TMEM117: variants seen among roughly 807,000 people sequenced by gnomAD.
The protein encoded by TMEM117 is transmembrane protein 117.
In TMEM117, 27 loss-of-function variants were observed where a neutral mutation model predicts 52.4. That is an observed-to-expected ratio of 0.51 (90% CI 0.38 to 0.71). The LOEUF is 0.71. Among genes scored for constraint, TMEM117 ranks in the 30% least tolerant of loss-of-function variants. The pLI, the probability that TMEM117 is intolerant of heterozygous loss-of-function variation, is 0.00. For synonymous variants in TMEM117, 215 were observed against 206.3 expected (o/e 1.04, Z -0.36); for missense variants, 556 against 630.5 (o/e 0.88, Z 1.26).
chr12:44,073,523 T>C (rs1947336134), intron 3 of TMEM117: 1 of 152,256 alleles, frequency 6.6e-6, no homozygotes, highest in South Asian at 2.1e-4. Flanking sequence ...GTTTTCCAAC[T>C]GCTCTCAAGG....
intron 6 of TMEM117, among the ~76,000 whole-genome samples, chr12:44,358,709 T>C (rs1331377805): frequency 6.6e-6 from 1 of 152,142 alleles, no homozygotes; most frequent in Non-Finnish European, 1.5e-5. Context: ...TTTTTAAAGA[T>C]GGTACATGAA....
chr12:44,396,045 T>A, the TMEM117 span, among the ~76,000 whole-genome samples: 1 of 152,170 alleles, frequency 6.6e-6, no homozygotes, highest in East Asian at 1.9e-4. Flanking sequence ...TAGGTGATTC[T>A]CTTACAAACA....
chr12:44,097,195 G>C (rs528662831), intron 3 of TMEM117, among the ~76,000 whole-genome samples: 8 of 152,106 alleles, frequency 5.3e-5, no homozygotes, highest in African/African-American at 9.6e-5. Context: ...GAATGGCGAT[G>C]ATTAAAAAGT....
At chr12:44,318,897 C>A (rs1463345930) in intron 6 of TMEM117, among the ~76,000 whole-genome samples, 1 of 152,212 alleles carries the variant, frequency 6.6e-6, no homozygotes, top group Non-Finnish European at 1.5e-5. Flanking sequence ...AGAGTGTCCC[C>A]TGCACCATGA....
At chr12:44,319,643 G>A (rs1244249611) in intron 6 of TMEM117, among the ~76,000 whole-genome samples, 1 of 152,066 alleles carries the variant, frequency 6.6e-6, no homozygotes, top group Non-Finnish European at 1.5e-5. Flanking sequence ...CCGCTGTCTT[G>A]GAAGAAAAAT....
chr12:44,197,730 A>G (rs1268337779), intron 4 of TMEM117, among the ~76,000 whole-genome samples: 2 of 152,152 alleles, frequency 1.3e-5, no homozygotes, highest in Non-Finnish European at 2.9e-5. Context: ...TATTCAGATG[A>G]TTCAGGTGTC....
intron 3 of TMEM117, among the ~76,000 whole-genome samples, chr12:44,118,476 G>T (rs1037365837): frequency 6.6e-6 from 1 of 152,110 alleles, no homozygotes; most frequent in African/African-American, 2.4e-5. Context: ...ATAAAGGAAG[G>T]TATTCCAAAC....
intron 3 of TMEM117, among the ~76,000 whole-genome samples, chr12:43,968,846 G>A (rs1374778909): frequency 6.6e-6 from 1 of 152,094 alleles, no homozygotes; most frequent in East Asian, 1.9e-4. Context: ...ACTGTTTCCA[G>A]AATTGGCAGT....
At chr12:44,081,180 C>A (rs80286252) in intron 3 of TMEM117, among the ~76,000 whole-genome samples, 1 of 152,072 alleles carries the variant, frequency 6.6e-6, no homozygotes, top group Non-Finnish European at 1.5e-5. Flanking sequence ...ACACATGAAG[C>A]AGAAAAATAT....
rs142667632 is a variant in TMEM117 at position 44,136,210 on chromosome 12, C to G, written c.411-7315C>G. 8.5e-3 allele frequency among the ~76,000 whole-genome samples: 1,298 copies of G among 152,176 alleles called. 12 individuals are homozygous for G. Among genetic ancestry groups the G allele is most frequent in the African/African-American group, 0.03 (1,234 of 41,530 alleles). On this transcript the variant is annotated intron_variant, in intron 3 of 7. Transcript: ENST00000266534. ...TGGGGATTTATTGGGGTTCTCTTAGCAACAAGCTCAGGATTTTAAAGCTTG... is the reference window on the plus strand; with the variant it reads ...TGGGGATTTATTGGGGTTCTCTTAGGAACAAGCTCAGGATTTTAAAGCTTG...
intron 2 of TMEM117, among the ~76,000 whole-genome samples, chr12:43,889,934 C>A (rs1565736731): frequency 6.6e-6 from 1 of 152,142 alleles, no homozygotes. Context: ...ATAGTCACAA[C>A]AGGGTCCCTA....
intron 3 of TMEM117, among the ~76,000 whole-genome samples, chr12:44,037,068 T>C (rs537201242): frequency 6.6e-6 from 1 of 152,248 alleles, no homozygotes; most frequent in South Asian, 2.1e-4. Context: ...TCCATGGAGC[T>C]GGTGGGAGCT....
chr12:43,887,789 C>T (rs1944023897), intron 2 of TMEM117, among the ~76,000 whole-genome samples: 1 of 152,202 alleles, frequency 6.6e-6, no homozygotes, highest in Admixed American at 6.5e-5. Context: ...GACCAATCTA[C>T]TCAAGAACAA....
chr12:44,134,948 G>T (rs1367383377), intron 3 of TMEM117, among the ~76,000 whole-genome samples: 5 of 152,110 alleles, frequency 3.3e-5, no homozygotes, highest in Non-Finnish European at 5.9e-5. Flanking sequence ...ATTGGAATTA[G>T]ACTGACACAC....
intron 2 of TMEM117, among the ~76,000 whole-genome samples, chr12:43,845,642 G>A (rs949476842): frequency 7.9e-5 from 12 of 151,856 alleles, no homozygotes; most frequent in Middle Eastern, 3.4e-3. Flanking sequence ...TGCTGCACCC[G>A]TTAACTCAAC....
chr12:44,003,887 A>G (rs1428828837), intron 3 of TMEM117, among the ~76,000 whole-genome samples: 3 of 152,164 alleles, frequency 2.0e-5, no homozygotes, highest in African/African-American at 7.2e-5. Context: ...TGCATAGGCA[A>G]TGTGGCCCTG....
intron 2 of TMEM117, among the ~76,000 whole-genome samples, chr12:43,869,524 G>A (rs1943667571): frequency 6.6e-6 from 1 of 152,140 alleles, no homozygotes; most frequent in Non-Finnish European, 1.5e-5. Flanking sequence ...AAACTTGTGG[G>A]CAAATGGGAA....
intron 5 of TMEM117, among the ~76,000 whole-genome samples, chr12:44,238,469 A>T (rs1476832038): frequency 6.6e-6 from 1 of 152,098 alleles, no homozygotes; most frequent in African/African-American, 2.4e-5. Context: ...CGCTATGAAA[A>T]AACTCAACCT....
intron 2 of TMEM117, among the ~76,000 whole-genome samples, chr12:43,891,657 C>T (rs1006503788): frequency 6.6e-5 from 10 of 152,098 alleles, no homozygotes; most frequent in East Asian, 1.9e-4. Flanking sequence ...TGAGCCACTG[C>T]GCCCAGCCAG....
Sources: gnomAD v4.1 joint callset for allele counts (sites outside exome capture counted in the v4.1 genomes callset) on GRCh38, gnomAD v4.1.1 for gene constraint, MANE v1.5 for transcripts, NCBI Gene and HGNC (gene_info 2026-07-23, HGNC 2026-07-21) for gene names.